Variants in CMTM8 observed in about 807,000 individuals in gnomAD.
CMTM8 encodes CKLF-like MARVEL transmembrane domain-containing protein 8.
In CMTM8, 12 loss-of-function variants were observed where a neutral mutation model predicts 18.6. That is an observed-to-expected ratio of 0.65 (90% CI 0.41 to 1.05). CMTM8 has a LOEUF of 1.05. CMTM8 is among the 50% of genes least tolerant of loss of function. The pLI, the probability that CMTM8 is intolerant of heterozygous loss-of-function variation, is 0.00. For synonymous variants in CMTM8, 87 were observed against 90.6 expected (o/e 0.96, Z 0.23); for missense variants, 217 against 227.2 (o/e 0.95, Z 0.29).
At chr3:32,328,575 G>A (rs1434516945) in intron 1 of CMTM8, among the ~76,000 whole-genome samples, 2 of 148,442 alleles carry the variant, frequency 1.3e-5, no homozygotes, top group Non-Finnish European at 1.5e-5. Context: ...GCAACACTTA[G>A]TTGGTTTTTT....
chr3:32,333,065 T>C lies in CMTM8; in HGVS notation c.148-24308T>C, dbSNP rs566513557. 1.2e-4 allele frequency among the ~76,000 whole-genome samples: 18 copies of C among 152,306 alleles called. No individual in the cohort carries two copies. In the South Asian group the frequency reaches 1.9e-3, roughly 16 times the overall value. On this transcript the variant is annotated intron_variant, in intron 1 of 3. Coordinates refer to ENST00000307526, the MANE Select transcript of CMTM8 (RefSeq NM_178868.5). ...CTGTAAAGGGCCAGAATAGTAAATA[T>C]TTTAGACTTTATGGACCATATGGAC...
Position 32,369,998 on chromosome 3 carries a change from A to G in CMTM8, c.*31A>G, listed in dbSNP as rs1446006352. On this transcript the variant is annotated 3_prime_UTR_variant, in exon 4 of 4. Transcript: ENST00000307526. The stretch of plus-strand genomic sequence containing the variant: ...CATTTTGATAATTAAAAGGAAAAAA[A>G]AAGGAAGACTCTCACTGTAAAAACA... The G allele has an allele frequency of 1.5e-6, 2 of 1,339,158 alleles. No homozygotes were observed. The highest frequency in any genetic ancestry group is 2.1e-6 in the Non-Finnish European group (2 of 950,452). The allele number at this position is 1,339,158 out of a possible 1,614,324, so 83.0% of individuals were successfully genotyped here.
intron 1 of CMTM8, among the ~76,000 whole-genome samples, chr3:32,278,758 C>T (rs1169753573): frequency 6.6e-6 from 1 of 152,158 alleles, no homozygotes; most frequent in African/African-American, 2.4e-5. Context: ...ATACTTGATG[C>T]CCAGAACAGC....
At chr3:32,271,287 C>T (rs556211508) in intron 1 of CMTM8, among the ~76,000 whole-genome samples, 16 of 152,090 alleles carry the variant, frequency 1.1e-4, no homozygotes, top group Non-Finnish European at 1.9e-4. Flanking sequence ...CCACCACGCC[C>T]GGTAATTTTG....
In CMTM8 at chr3:32,370,133, TA is replaced by T; in HGVS notation, c.*167del. 1 of 407,124 alleles carries T rather than the reference TA, an allele frequency of 2.5e-6. No homozygotes were observed. The highest frequency in any genetic ancestry group is 2.0e-5 in the African/African-American group (1 of 50,202). The allele number at this position is 407,124 out of a possible 1,614,324, so 25.2% of individuals were successfully genotyped here. On this transcript the variant is annotated 3_prime_UTR_variant, in exon 4 of 4. Transcript: ENST00000307526. ...GTTTGTTACAATTAAACTGGATACT[TA>T]TTTGCAAAGTGTTGTAGCTTATAAT...
chr3:32,362,457 T>A (rs931397242), intron 2 of CMTM8, among the ~76,000 whole-genome samples: 13 of 152,226 alleles, frequency 8.5e-5, no homozygotes, highest in African/African-American at 3.1e-4. Flanking sequence ...GAATGCATTA[T>A]TTCCATTTTG....
intron 1 of CMTM8, among the ~76,000 whole-genome samples, chr3:32,335,980 A>G (rs571879462): frequency 3.6e-4 from 55 of 152,300 alleles, no homozygotes; most frequent in African/African-American, 1.3e-3. Flanking sequence ...AGCCCTGACC[A>G]AGTGGGAGAG....
chr3:32,254,616 A>G (rs1702153769), intron 1 of CMTM8, among the ~76,000 whole-genome samples: 1 of 152,164 alleles, frequency 6.6e-6, no homozygotes, highest in African/African-American at 2.4e-5. Context: ...TATCCAGATA[A>G]TTAATCATGA....
intron 2 of CMTM8, among the ~76,000 whole-genome samples, chr3:32,367,630 G>A (rs1697064653): frequency 6.6e-6 from 1 of 152,166 alleles, no homozygotes; most frequent in South Asian, 2.1e-4. Flanking sequence ...CAAAATGACT[G>A]AAGGGGCGGC....
At chr3:32,305,405 G>A (rs1341645642) in intron 1 of CMTM8, among the ~76,000 whole-genome samples, 1 of 152,064 alleles carries the variant, frequency 6.6e-6, no homozygotes, top group Non-Finnish European at 1.5e-5. Flanking sequence ...GGTACAAAAT[G>A]TCACTGATGG....
chr3:32,244,159 G>C (rs1464194328), intron 1 of CMTM8: 2 of 152,992 alleles, frequency 1.3e-5, no homozygotes, highest in African/African-American at 4.8e-5. Flanking sequence ...AGAACCACCT[G>C]CACTTGCCCT....
chr3:32,259,862 G>T, intron 1 of CMTM8: 1 of 849,518 alleles, frequency 1.2e-6, no homozygotes, highest in Non-Finnish European at 2.0e-6. Flanking sequence ...CTTGGAGATT[G>T]ACCTGGACTC....
intron 1 of CMTM8, among the ~76,000 whole-genome samples, chr3:32,249,293 G>A (rs1330932431): frequency 2.0e-5 from 3 of 151,790 alleles, no homozygotes; most frequent in Non-Finnish European, 2.9e-5. Flanking sequence ...AGCTGGGCAC[G>A]GTGGTGTGTG....
intron 1 of CMTM8, among the ~76,000 whole-genome samples, chr3:32,244,452 C>A (rs1009249694): frequency 6.6e-6 from 1 of 152,256 alleles, no homozygotes; most frequent in African/African-American, 2.4e-5. Context: ...TCCAAAAACA[C>A]TGGGATTGCA....
chr3:32,259,796 G>C (rs1234858228), intron 1 of CMTM8: 1 of 836,780 alleles, frequency 1.2e-6, no homozygotes, highest in African/African-American at 1.7e-5. Flanking sequence ...CACACAGTCC[G>C]CCGAGGTTGG....
chr3:32,330,565 CAT>C (rs1696255281), intron 1 of CMTM8, among the ~76,000 whole-genome samples: 1 of 152,100 alleles, frequency 6.6e-6, no homozygotes, highest in Non-Finnish European at 1.5e-5. Context: ...TAAAGATAGA[CAT>C]ATAGACCAAT....
chr3:32,258,007 A>T (rs924831432), intron 1 of CMTM8, among the ~76,000 whole-genome samples: 1 of 152,122 alleles, frequency 6.6e-6, no homozygotes, highest in Admixed American at 6.5e-5. Context: ...GGAAATCTCA[A>T]ATCTTTATCC....
Position 32,357,498 on chromosome 3 carries a change from C to T in CMTM8, c.273C>T (p.Tyr91=). ...TCACCGTCTTCTTCCTCATTATCTA[C>T]ATAACAATGACCTACACCAGGATTC... ...WVLTVFFLII[Y]ITMTYTRIPQ... The change falls in exon 2 of 4, where the codon TAC becomes TAT. Residue 91 remains tyrosine, a synonymous_variant. Transcript: ENST00000307526. The T allele has an allele frequency of 3.1e-6, 5 of 1,614,052 alleles. No homozygotes were observed. The highest frequency in any genetic ancestry group is 4.2e-6 in the Non-Finnish European group (5 of 1,180,014).
intron 1 of CMTM8, among the ~76,000 whole-genome samples, chr3:32,245,299 G>A (rs7632486): frequency 0.83 from 126,381 of 152,274 alleles, 52,630 homozygotes; most frequent in East Asian, 0.92. Flanking sequence ...AGAGAACAAA[G>A]CAGTGTTTTT....
Sources: gnomAD v4.1 joint callset for allele counts (sites outside exome capture counted in the v4.1 genomes callset) on GRCh38, gnomAD v4.1.1 for gene constraint, MANE v1.5 for transcripts, NCBI Gene and HGNC (gene_info 2026-07-23, HGNC 2026-07-21) for gene names.